NCAPD3: variants seen among roughly 807,000 people sequenced by gnomAD.
The protein encoded by NCAPD3 is non-SMC condensin II complex subunit D3, also known as condensin-2 complex subunit D3.
In NCAPD3, 105 loss-of-function variants were observed where a neutral mutation model predicts 182.9. That is an observed-to-expected ratio of 0.57 (90% CI 0.49 to 0.68). NCAPD3 has a LOEUF of 0.68. Among genes scored for constraint, NCAPD3 ranks in the 30% least tolerant of loss-of-function variants. The pLI is 0.00. For missense variants in NCAPD3, 1,944 were observed against 1,837.0 expected (o/e 1.06, Z -1.07); for synonymous variants, 815 against 679.9 (o/e 1.20, Z -3.09).
intron 23 of NCAPD3, 144 bp downstream of exon 23, chr11:134,177,074 AG>A: frequency 3.0e-6 from 2 of 660,656 alleles, no homozygotes; most frequent in Non-Finnish European, 5.3e-6. Flanking sequence ...GCTAAACATC[AG>A]AAGAGTAAAA....
chr11:134,160,583 G>C (rs964985364), intron 28 of NCAPD3, among the ~76,000 whole-genome samples: 1 of 152,138 alleles, frequency 6.6e-6, no homozygotes, highest in Non-Finnish European at 1.5e-5. Flanking sequence ...CCATCTTTGT[G>C]TCTTCTTCTG....
intron 1 of NCAPD3, among the ~76,000 whole-genome samples, chr11:134,221,818 C>G (rs1938241172): frequency 6.6e-6 from 1 of 152,230 alleles, no homozygotes; most frequent in Non-Finnish European, 1.5e-5. Context: ...ATCTGGTCAT[C>G]ATCTTTTGTC....
At chr11:134,153,239 A>G in intron 33 of NCAPD3, 39 bp from the exon 34 acceptor site, 1 of 1,613,878 alleles carries the variant, frequency 6.2e-7, no homozygotes, top group South Asian at 1.1e-5. Flanking sequence ...GCTTTCCCAG[A>G]ACCTCAAAGG....
rs779147671 is a variant in NCAPD3, at chr11:134,223,948, C to T, written c.-22G>A. ...CCATGATCCCAGGGCACCGGCTCGC[C>T]GCCGCCGTGCTCAACTTTCAAAGCT... On this transcript the variant is annotated 5_prime_UTR_variant, in exon 1 of 35. Transcript: ENST00000534548. 13 of 1,608,906 alleles carry T rather than the reference C, an allele frequency of 8.1e-6. No homozygotes were observed. The highest frequency in any genetic ancestry group is 6.7e-5 in the East Asian group (3 of 44,690).
rs1943170742 is a variant in NCAPD3, at chr11:134,150,117, C to G, written c.*2827G>C. 6.5e-6 allele frequency: 1 copy of G among 154,784 alleles called. No individual in the cohort carries two copies. Among genetic ancestry groups the G allele is most frequent in the African/African-American group, 2.4e-5 (1 of 41,456 alleles). 9.6% of individuals were successfully genotyped at this position (154,784 alleles called of 1,614,324 possible). ...AAGAGTATTTTACCCAAGGAATCCTCTCATGGAAGTTTACTGTGATGTTCC... is the reference window on the plus strand; with the variant it reads ...AAGAGTATTTTACCCAAGGAATCCTGTCATGGAAGTTTACTGTGATGTTCC... On this transcript the variant is annotated 3_prime_UTR_variant, in exon 35 of 35. Transcript: ENST00000534548.
chr11:134,165,644 C>A (rs1158845089), intron 27 of NCAPD3, among the ~76,000 whole-genome samples: 1 of 140,106 alleles, frequency 7.1e-6, no homozygotes, highest in Non-Finnish European at 1.5e-5. Flanking sequence ...AGGGGAGGCC[C>A]ACACTCGTGA....
rs544320967 is a variant in NCAPD3, at chr11:134,180,270, G to A, written c.2559+807C>T. 3.4e-4 allele frequency among the ~76,000 whole-genome samples: 52 copies of A among 152,172 alleles called. 1 individual carries two copies. In the East Asian group the frequency reaches 9.3e-3, roughly 27 times the overall value. Reference sequence around the variant, plus strand: ...TTGAACAAATCTAAGCTTGGTCGGTGATCACTGGGCGTTAGGAGAGCTAGG... The same window carrying A: ...TTGAACAAATCTAAGCTTGGTCGGTAATCACTGGGCGTTAGGAGAGCTAGG... On this transcript the variant is annotated intron_variant, in intron 20 of 34. Transcript: ENST00000534548.
chr11:134,160,098 T>A, intron 28 of NCAPD3, 24 bp from the exon 29 acceptor site: 1 of 1,608,182 alleles, frequency 6.2e-7, no homozygotes, highest in Non-Finnish European at 8.5e-7. Flanking sequence ...AGGAGCATCC[T>A]TTCATGTTTT....
chr11:134,185,379 C>T lies in NCAPD3; in HGVS notation c.2193G>A (p.Arg731=). Residue 731 remains arginine (R), a synonymous_variant, in exon 17 of 35, where the codon AGG becomes AGA. Transcript: ENST00000534548. ...LLSKIAGSSP[R]LDYSRIIQSW... ...ATTGTATTATTCTGCTGTAGTCCAGCCTGGGTGAGGAGCCAGCAATCTTGG... is the reference window on the plus strand; with the variant it reads ...ATTGTATTATTCTGCTGTAGTCCAGTCTGGGTGAGGAGCCAGCAATCTTGG... 6.2e-7 allele frequency: 1 copy of T among 1,613,650 alleles called. No individual in the cohort carries two copies.
chr11:134,202,877 G>A lies in NCAPD3; in HGVS notation c.1554C>T (p.Asn518=). The A allele has an allele frequency of 6.2e-7, 1 of 1,606,454 alleles. No individual in the cohort carries two copies. Among genetic ancestry groups the A allele is most frequent in the Admixed American group, 1.7e-5 (1 of 57,924 alleles). Residue 518 remains asparagine (N), a synonymous_variant, in exon 13 of 35, where the codon AAC becomes AAT. Coordinates refer to ENST00000534548, the MANE Select transcript of NCAPD3 (RefSeq NM_015261.3). The stretch of plus-strand genomic sequence containing the variant: ...TGATCTCCCCTGAGGGTTCGGAACG[G>A]TTAGATGTCTGCCTTTGGTAGGAAA... The part of the protein sequence containing the change: ...SAFSYQRQTS[N]RSEPSGEINI...
At chr11:134,198,176 A>C (rs1944676233) in intron 13 of NCAPD3, among the ~76,000 whole-genome samples, 2 of 152,206 alleles carry the variant, frequency 1.3e-5, no homozygotes, top group Non-Finnish European at 2.9e-5. Context: ...ATTAACATCA[A>C]CACAGTCTTT....
At position 134,196,645 on chromosome 11, in the gene NCAPD3, C is replaced by CAAA. The variant is rs998502328; in HGVS notation, c.1616-1910_1616-1908dup. Among the ~76,000 whole-genome samples the CAAA allele has an allele frequency of 5.2e-5, 3 of 57,890 alleles. No homozygotes were observed. In the East Asian group the frequency reaches 1.4e-3, roughly 28 times the overall value. The allele number at this position is 57,890 out of a possible 152,430, so 38.0% of individuals were successfully genotyped here. A position where few individuals can be genotyped will look rare whatever the true frequency, so the allele number is the denominator to read the frequency against. On this transcript the variant is annotated intron_variant, in intron 13 of 34. Transcript: ENST00000534548. ...GGACAACAACAGCGAAACTCCATCT[C>CAAA]AAAAAAAAAAAAAAAAAGAAAAGAA...
chr11:134,224,283 T>C, upstream of NCAPD3: 1 of 366,454 alleles, frequency 2.7e-6, no homozygotes, highest in Non-Finnish European at 5.0e-6. Flanking sequence ...GTAGTAACTG[T>C]CACCTTTGCC....
chr11:134,203,184 C>T lies in NCAPD3; in HGVS notation c.1483G>A (p.Val495Ile). The part of the protein sequence containing the change: ...ELLINSPTFS[V>I]IESHPGTLLR... ...AAGGTACCAGGGTGACTCTCTATTA[C>T]AGAAAACGTAGGACCTAAAAACAAG... The change falls in exon 12 of 35, where the codon GTA becomes ATA. Residue 495 changes from valine to isoleucine, a missense_variant. Val to Ile is a conservative substitution (Grantham distance 29). This residue lies in a region of NCAPD3 where 1,803 missense variants were observed against 1,674.6 expected (regional missense o/e 1.08). Coordinates refer to ENST00000534548, the MANE Select transcript of NCAPD3 (RefSeq NM_015261.3). 2 of 1,598,190 alleles carry T rather than the reference C, an allele frequency of 1.3e-6. No individual in the cohort carries two copies. The highest frequency in any genetic ancestry group is 1.3e-5 in the African/African-American group (1 of 74,622).
chr11:134,211,035 G>T (rs572788309), intron 3 of NCAPD3, among the ~76,000 whole-genome samples: 92 of 152,318 alleles, frequency 6.0e-4, no homozygotes, highest in Admixed American at 1.8e-3. Context: ...AGAGAGCAAA[G>T]AAGTATTTCC....
chr11:134,184,733 C>T lies in NCAPD3; in HGVS notation c.2355G>A (p.Leu785=), dbSNP rs776612606. The change falls in exon 19 of 35, where the codon CTG becomes CTA. Residue 785 remains leucine (L), a synonymous_variant. Coordinates refer to ENST00000534548, the MANE Select transcript of NCAPD3 (RefSeq NM_015261.3). ...CCTCTAGAGACCACTGAAATCCATT[C>T]AGCTTACACTTGACAGCATCTATGA... is the stretch of plus-strand genomic sequence containing the variant. ...DKVTDAVKCK[L]NGFQWSLEVI... 18 of 1,613,674 alleles carry T rather than the reference C, an allele frequency of 1.1e-5. No homozygotes were observed. Among genetic ancestry groups the T allele is most frequent in the Non-Finnish European group, 1.1e-5 (13 of 1,179,866 alleles).
intron 23 of NCAPD3, 103 bp from the exon 24 acceptor site, chr11:134,176,489 T>A: frequency 4.5e-6 from 4 of 896,512 alleles, no homozygotes; most frequent in South Asian, 1.4e-5. Flanking sequence ...CCCGGCACAC[T>A]GGCTGAGTGC....
At chr11:134,154,484 C>T (rs956514958) in intron 32 of NCAPD3, among the ~76,000 whole-genome samples, 1 of 149,906 alleles carries the variant, frequency 6.7e-6, no homozygotes, top group African/African-American at 2.5e-5. Flanking sequence ...TGCACCCCCC[C>T]CCCCACCGCC....
chr11:134,158,298 AG>A, intron 30 of NCAPD3, 30 bp downstream of exon 30: 2 of 1,611,186 alleles, frequency 1.2e-6, no homozygotes, highest in African/African-American at 2.7e-5. Context: ...ACAGAGAACC[AG>A]CCCTGATGTG....
Sources: gnomAD v4.1 joint callset for allele counts (sites outside exome capture counted in the v4.1 genomes callset) on GRCh38, gnomAD v4.1.1 for gene constraint, gnomAD v4.1.1 regional missense constraint, MANE v1.5 for transcripts, NCBI Gene and HGNC (gene_info 2026-07-23, HGNC 2026-07-21) for gene names.